Variants in DENND4B observed in about 807,000 individuals in gnomAD.
The protein encoded by DENND4B is DENN domain containing 4B.
A neutral mutation model predicts 161.0 loss-of-function variants in DENND4B; 67 were observed. That is an observed-to-expected ratio of 0.42 (90% CI 0.34 to 0.51). The LOEUF (loss-of-function observed/expected upper bound fraction) is 0.51, where lower values mean the gene tolerates loss of function less well. Ranked by LOEUF, DENND4B falls within the 20% of genes least tolerant of loss-of-function variation. The pLI is 0.08. For missense variants in DENND4B, 1,481 were observed against 1,968.0 expected, an observed-to-expected ratio of 0.75 and a Z score of 4.68; for synonymous variants, 753 against 813.8, an observed-to-expected ratio of 0.93 and a Z score of 1.27.
chr1:153,943,890 G>C (rs930662076), intron 2 of DENND4B, among the ~76,000 whole-genome samples, 168 bp downstream of exon 2: 19 of 152,074 alleles, frequency 1.2e-4, no homozygotes, highest in Non-Finnish European at 2.6e-4. Flanking sequence ...ACATGAAATC[G>C]CATCTGTAAG....
intron 2 of DENND4B, among the ~76,000 whole-genome samples, chr1:153,943,726 G>A (rs1369397441): frequency 2.0e-5 from 3 of 147,976 alleles, no homozygotes; most frequent in Non-Finnish European, 4.5e-5. Context: ...ACCACTGACT[G>A]ACTCTGTTAA....
intron 1 of DENND4B, chr1:153,945,257 G>A: frequency 3.0e-6 from 3 of 997,618 alleles, no homozygotes; most frequent in South Asian, 2.7e-5. Context: ...CGTGGGGGGT[G>A]CTTCAGAGGG....
At position 153,937,476 on chromosome 1, in the gene DENND4B, C is replaced by T. The variant is rs1457517151; in HGVS notation, c.2232+12G>A. On this transcript the variant is annotated intron_variant, in intron 15 of 27. Transcript: ENST00000361217. This position sits in a 1 kb window ranked among gnomAD's most constrained non-coding sequence, Gnocchi z 4.7. ...GATCCGGGTCCCTCAGTGCGGTCCA[C>T]CCACTGCTTACCTGTTTGGTACGGC... The T allele has an allele frequency of 2.6e-6, 4 of 1,537,780 alleles. No individual in the cohort carries two copies. The Admixed American group carries it at 8.3e-5, about 32-fold the overall frequency.
Position 153,930,370 on chromosome 1 carries a change from T to C in DENND4B, c.4418A>G (p.His1473Arg). The C allele has an allele frequency of 6.2e-7, 1 of 1,613,982 alleles. No individual in the cohort carries two copies. The highest frequency in any genetic ancestry group is 8.5e-7 in the Non-Finnish European group (1 of 1,179,884). The change falls in exon 28 of 28, where the codon CAC (histidine) becomes CGC (arginine). Residue 1473 changes from histidine to arginine, a missense_variant. His to Arg is a conservative substitution (Grantham distance 29). Coordinates refer to ENST00000361217, the MANE Select transcript of DENND4B (RefSeq NM_014856.3). The surrounding 1 kb of genome is among the most constrained non-coding windows in gnomAD (Gnocchi z 4.7). The part of the protein sequence containing the change: ...ASSMGKEELR[H>R]RRAQMPTPKA... ...GGGAGTGGGCATCTGCGCCCGCCGG[T>C]GCCTCAGCTCCTCCTTGCCCATGCT...
chr1:153,937,370 C>A lies in DENND4B; in HGVS notation c.2232+118G>T. 7.1e-7 allele frequency: 1 copy of A among 1,399,288 alleles called. No individual in the cohort carries two copies. The allele number at this position is 1,399,288 out of a possible 1,614,324, so 86.7% of individuals were successfully genotyped here. A position where few individuals can be genotyped will look rare whatever the true frequency, so the allele number is the denominator to read the frequency against. ...CTTATGTGCCAAGCACATTTAAACT[C>A]CTAACAACCTCATGGGTTAAGTATT... On this transcript the variant is annotated intron_variant, in intron 15 of 27. Transcript: ENST00000361217. The surrounding 1 kb of genome is among the most constrained non-coding windows in gnomAD (Gnocchi z 4.7).
Position 153,933,819 on chromosome 1 carries a change from G to C in DENND4B, c.2994C>G (p.His998Gln). 6.2e-7 allele frequency: 1 copy of C among 1,613,184 alleles called. No individual in the cohort carries two copies. Among genetic ancestry groups the C allele is most frequent in the East Asian group, 2.2e-5 (1 of 44,868 alleles). The change falls in exon 20 of 28, where the codon CAC becomes CAG. Residue 998 changes from histidine (H) to glutamine (Q), a missense_variant. His to Gln is a conservative substitution (Grantham distance 24, BLOSUM62 0). This residue lies in a region of DENND4B where 339 missense variants were observed against 330.3 expected (regional missense o/e 1.03). Coordinates refer to ENST00000361217, the MANE Select transcript of DENND4B (RefSeq NM_014856.3). This position sits in a 1 kb window ranked among gnomAD's most constrained non-coding sequence, Gnocchi z 5.7. ...LEPRGSPVPW[H>Q]DGSLSDLSLT... ...GGCTCAGGTCTGAGAGACTTCCATCGTGCCAGGGCACAGGTGATCCCCGGG... is the reference window on the plus strand; with the variant it reads ...GGCTCAGGTCTGAGAGACTTCCATCCTGCCAGGGCACAGGTGATCCCCGGG...
In DENND4B at chr1:153,930,213, G is replaced by A; in HGVS notation, c.*84C>T. The A allele has an allele frequency of 6.7e-7, 1 of 1,494,614 alleles. No homozygotes were observed. The highest frequency in any genetic ancestry group is 9.0e-7 in the Non-Finnish European group (1 of 1,114,388). 92.6% of individuals were successfully genotyped at this position (1,494,614 alleles called of 1,614,324 possible). On this transcript the variant is annotated 3_prime_UTR_variant, in exon 28 of 28. Coordinates refer to ENST00000361217, the MANE Select transcript of DENND4B (RefSeq NM_014856.3). The surrounding 1 kb of genome is among the most constrained non-coding windows in gnomAD (Gnocchi z 4.7). ...CTTCCCAGCCTGTTCCCAACTCCAT[G>A]AAGGCAACAGGGAAGCAGTTTAACT...
Position 153,940,010 on chromosome 1 carries a change from A to G in DENND4B, c.1603+146T>C. ...TGCCCTTCCTTCTAGCTTCAGTTGG[A>G]ATTGGAATCTCCCTCAGTTCCACCA... On this transcript the variant is annotated intron_variant, in intron 11 of 27. Transcript: ENST00000361217. The surrounding 1 kb of genome is among the most constrained non-coding windows in gnomAD (Gnocchi z 5.6). The G allele has an allele frequency of 1.2e-6, 1 of 847,562 alleles. No individual in the cohort carries two copies. The allele number at this position is 847,562 out of a possible 1,614,324, so 52.5% of individuals were successfully genotyped here.
rs370145451 is a variant in DENND4B at position 153,940,360 on chromosome 1, C to T, written c.1502+71G>A. ...TTGTGCCTGAAGCTCTTTTTGAGCC[C>T]GTAGCACTCCACACACTAGCCCATT... On this transcript the variant is annotated intron_variant, in intron 10 of 27. Coordinates refer to ENST00000361217, the MANE Select transcript of DENND4B (RefSeq NM_014856.3). This position sits in a 1 kb window ranked among gnomAD's most constrained non-coding sequence, Gnocchi z 5.6. 1.9e-6 allele frequency: 3 copies of T among 1,574,250 alleles called. No individual in the cohort carries two copies. The highest frequency in any genetic ancestry group is 1.2e-5 in the South Asian group (1 of 86,108).
intron 2 of DENND4B, 72 bp downstream of exon 2, chr1:153,943,986 G>T: frequency 1.4e-6 from 2 of 1,463,204 alleles, no homozygotes; most frequent in Non-Finnish European, 1.8e-6. Flanking sequence ...TTGTTCCATA[G>T]TCCTACCTCT....
rs554113357 is a variant in DENND4B, at chr1:153,937,456, G to C, written c.2232+32C>G. On this transcript the variant is annotated intron_variant, in intron 15 of 27. Coordinates refer to ENST00000361217, the MANE Select transcript of DENND4B (RefSeq NM_014856.3). This position sits in a 1 kb window ranked among gnomAD's most constrained non-coding sequence, Gnocchi z 4.7. Reference sequence around the variant, plus strand: ...GCAGCAGCAGCCTTCAGCCTGATCCGGGTCCCTCAGTGCGGTCCACCCACT... The same window carrying C: ...GCAGCAGCAGCCTTCAGCCTGATCCCGGTCCCTCAGTGCGGTCCACCCACT... The C allele has an allele frequency of 2.5e-5, 37 of 1,495,764 alleles. No individual in the cohort carries two copies. Among genetic ancestry groups the C allele is most frequent in the Non-Finnish European group, 3.1e-5 (35 of 1,119,698 alleles). The allele number at this position is 1,495,764 out of a possible 1,614,324, so 92.7% of individuals were successfully genotyped here.
At position 153,941,628 on chromosome 1, in the gene DENND4B, C is replaced by T. The variant is rs1451545885; in HGVS notation, c.1056-188G>A. ...TGTGCAGATCAGAAAAGAAATCCTC[C>T]CTGGGCATACACAGCCCTTTGCCAG... is the stretch of plus-strand genomic sequence containing the variant. On this transcript the variant is annotated intron_variant, in intron 6 of 27. Coordinates refer to ENST00000361217, the MANE Select transcript of DENND4B (RefSeq NM_014856.3). 2.6e-5 allele frequency among the ~76,000 whole-genome samples: 4 copies of T among 152,154 alleles called. No individual in the cohort carries two copies. The South Asian group carries it at 6.2e-4, about 24-fold the overall frequency.
In DENND4B at chr1:153,940,256, C is replaced by A. The variant is rs184372486; in HGVS notation, c.1503G>T (p.Gln501His). 2 of 1,593,696 alleles carry A rather than the reference C, an allele frequency of 1.3e-6. No homozygotes were observed. The highest frequency in any genetic ancestry group is 1.7e-6 in the Non-Finnish European group (2 of 1,170,962). ...CVDLDTNTLF[Q>H]TEEKKLLSPR... is the part of the protein sequence containing the mutation. The stretch of plus-strand genomic sequence containing the variant: ...GGGAGAGGAGCTTCTTTTCCTCAGT[C>A]CTGTGAGAAAAGCATAAGGGGAAAG... Residue 501 changes from glutamine to histidine, a missense_variant and splice_region_variant, in exon 11 of 28, where the codon CAG becomes CAT. Gln to His is a conservative substitution (Grantham distance 24). Transcript: ENST00000361217. This position sits in a 1 kb window ranked among gnomAD's most constrained non-coding sequence, Gnocchi z 5.6.
At chr1:153,939,922 A>C in intron 11 of DENND4B, 118 bp from the exon 12 acceptor site, 1 of 1,009,064 alleles carries the variant, frequency 9.9e-7, no homozygotes, top group Non-Finnish European at 1.5e-6. Flanking sequence ...AGTAGCAACT[A>C]AAGTATTACC....
chr1:153,937,247 A>G lies in DENND4B; in HGVS notation c.2232+241T>C, dbSNP rs1430341720. ...AGCATGGGCAGGTGCCCTAGAAGACATGGCCAGCCCCTGGATTCCCAGAGT... is the reference window on the plus strand; with the variant it reads ...AGCATGGGCAGGTGCCCTAGAAGACGTGGCCAGCCCCTGGATTCCCAGAGT... On this transcript the variant is annotated intron_variant, in intron 15 of 27. Coordinates refer to ENST00000361217, the MANE Select transcript of DENND4B (RefSeq NM_014856.3). This position sits in a 1 kb window ranked among gnomAD's most constrained non-coding sequence, Gnocchi z 4.7. 1.3e-5 allele frequency among the ~76,000 whole-genome samples: 2 copies of G among 152,246 alleles called. No homozygotes were observed. The highest frequency in any genetic ancestry group is 2.9e-5 in the Non-Finnish European group (2 of 68,044).
chr1:153,936,779 G>A lies in DENND4B; in HGVS notation c.2233-31C>T. 6.7e-7 allele frequency: 1 copy of A among 1,490,150 alleles called. No homozygotes were observed. The highest frequency in any genetic ancestry group is 2.4e-5 in the East Asian group (1 of 42,326). The allele number at this position is 1,490,150 out of a possible 1,614,324, so 92.3% of individuals were successfully genotyped here. On this transcript the variant is annotated intron_variant, in intron 15 of 27. Transcript: ENST00000361217. The surrounding 1 kb of genome is among the most constrained non-coding windows in gnomAD (Gnocchi z 4.1). ...TAGGACAGGGGACACATCAGGGTGA[G>A]TACAATGCCAGGTCTTTCTTACTTA...
At position 153,936,659 on chromosome 1, in the gene DENND4B, C is replaced by T. The variant is rs757233834; in HGVS notation, c.2322G>A (p.Leu774=). 1 of 1,613,482 alleles carries T rather than the reference C, an allele frequency of 6.2e-7. No individual in the cohort carries two copies. Among genetic ancestry groups the T allele is most frequent in the South Asian group, 1.1e-5 (1 of 91,000 alleles). The change falls in exon 16 of 28, where the codon CTG becomes CTA. Residue 774 remains leucine, a synonymous_variant. Coordinates refer to ENST00000361217, the MANE Select transcript of DENND4B (RefSeq NM_014856.3). This position sits in a 1 kb window ranked among gnomAD's most constrained non-coding sequence, Gnocchi z 4.1. ...ARCLLGHCYG[L]WFLCLPAYVR... The stretch of plus-strand genomic sequence containing the variant: ...CATAGGCAGGCAGACACAGGAACCA[C>T]AGCCCATAGCAGTGCCCCAGCAGGC...
At position 153,946,329 on chromosome 1, in the gene DENND4B, C is replaced by A. The variant is rs1366722889; in HGVS notation, c.-52G>T. 4 of 366,898 alleles carry A rather than the reference C, an allele frequency of 1.1e-5. 1 individual carries two copies. Among genetic ancestry groups the A allele is most frequent in the Non-Finnish European group, 1.9e-5 (4 of 205,510 alleles). The allele number at this position is 366,898 out of a possible 1,614,324, so 22.7% of individuals were successfully genotyped here. On this transcript the variant is annotated 5_prime_UTR_variant, in exon 1 of 28. Transcript: ENST00000361217. The surrounding 1 kb of genome is among the most constrained non-coding windows in gnomAD (Gnocchi z 6.3). Reference sequence around the variant, plus strand: ...TCCCGCGCTTCCCGGCCGGCCGGCCCGCTGGCGGGTGGCTCGGAGGGCGAG... The same window carrying A: ...TCCCGCGCTTCCCGGCCGGCCGGCCAGCTGGCGGGTGGCTCGGAGGGCGAG...
At position 153,940,667 on chromosome 1, in the gene DENND4B, GGAGA is replaced by G. The variant is rs1221483299; in HGVS notation, c.1327-65_1327-62del. ...GGTTGAGGCAGCAGTGGGAGGCACA[GGAGA>G]GAGAAAGAGAGGGCATTGGCCTTGG... On this transcript the variant is annotated intron_variant, in intron 9 of 27. Transcript: ENST00000361217. The surrounding 1 kb of genome is among the most constrained non-coding windows in gnomAD (Gnocchi z 5.6). 36 of 1,571,912 alleles carry G rather than the reference GGAGA, an allele frequency of 2.3e-5. No homozygotes were observed. Among genetic ancestry groups the G allele is most frequent in the Non-Finnish European group, 2.9e-5 (34 of 1,157,568 alleles).
Sources: allele counts gnomAD v4.1 joint callset (sites outside exome capture counted in the v4.1 genomes callset), GRCh38; gene constraint gnomAD v4.1.1; regional missense constraint gnomAD v4.1.1; non-coding constraint Gnocchi (gnomAD v3.1); transcripts MANE v1.5; gene names NCBI Gene and HGNC (gene_info 2026-07-23, HGNC 2026-07-21).